Variants in MTA3 observed in about 807,000 individuals in gnomAD.
MTA3 encodes the protein metastasis-associated protein MTA3.
In MTA3, 34 loss-of-function variants were observed where a neutral mutation model predicts 83.5. The ratio of observed to expected loss-of-function variants is 0.41; its 90% CI spans 0.31 to 0.54. The LOEUF is 0.54. MTA3 is among the 20% of genes least tolerant of loss of function. The pLI is 0.33. For missense variants in MTA3, 761 were observed against 726.4 expected (o/e 1.05, Z -0.55); for synonymous variants, 303 against 252.7 (o/e 1.20, Z -1.89).
At position 42,501,471 on chromosome 2, in the gene MTA3, A is replaced by T. The variant is rs771444718; in HGVS notation, c.-141+6217A>T. On this transcript the variant is annotated intron_variant, in intron 2 of 17. Coordinates refer to the MTA3 transcript ENST00000405592. ...CATATTCTGATTCCCTGCATATGGCATGGAGGCCATTATTGTATTGTCAGC... is the reference window on the plus strand; with the variant it reads ...CATATTCTGATTCCCTGCATATGGCTTGGAGGCCATTATTGTATTGTCAGC... 2.6e-5 allele frequency among the ~76,000 whole-genome samples: 4 copies of T among 152,322 alleles called. No homozygotes were observed. The East Asian group carries it at 7.7e-4, about 29-fold the overall frequency.
chr2:42,692,100 A>G (rs750530894), intron 9 of MTA3, among the ~76,000 whole-genome samples: 3 of 151,822 alleles, frequency 2.0e-5, no homozygotes, highest in Non-Finnish European at 2.9e-5. Flanking sequence ...TAACTCTTAG[A>G]TTTGCTCTTT....
chr2:42,531,896 A>G (rs1675995221), intron 2 of MTA3, among the ~76,000 whole-genome samples: 1 of 152,060 alleles, frequency 6.6e-6, no homozygotes, highest in Non-Finnish European at 1.5e-5. Context: ...AGCTGGGACT[A>G]CAGGTGCCTG....
chr2:42,681,389 C>G (rs953215994), intron 8 of MTA3, among the ~76,000 whole-genome samples: 1 of 152,210 alleles, frequency 6.6e-6, no homozygotes, highest in Admixed American at 6.5e-5. Context: ...CATGATTCCT[C>G]AACCCAATCT....
At chr2:42,708,824 GT>G (rs781718487) in intron 13 of MTA3, 49 bp from the exon 14 acceptor site, 20 of 1,600,058 alleles carry the variant, frequency 1.2e-5, no homozygotes, top group Non-Finnish European at 1.7e-5. Context: ...ACAGTAACGT[GT>G]TTGGGCAAGT....
chr2:42,664,503 T>G (rs559888147), intron 8 of MTA3, among the ~76,000 whole-genome samples: 1 of 143,318 alleles, frequency 7.0e-6, no homozygotes, highest in South Asian at 2.4e-4. Context: ...TTGAGACAGT[T>G]TGCTCTGTTG....
At chr2:42,586,882 G>A (rs1680395033) in intron 3 of MTA3, among the ~76,000 whole-genome samples, 1 of 152,200 alleles carries the variant, frequency 6.6e-6, no homozygotes, top group African/African-American at 2.4e-5. Context: ...AATTAGCTGG[G>A]TATGGTGGCA....
chr2:42,567,661 T>A (rs1022242125), upstream of MTA3, among the ~76,000 whole-genome samples: 1 of 151,338 alleles, frequency 6.6e-6, no homozygotes, highest in African/African-American at 2.4e-5. Flanking sequence ...TTTTTTTTTG[T>A]ATCTGTGAGA....
chr2:42,702,098 C>T (rs1665628887), intron 11 of MTA3, among the ~76,000 whole-genome samples: 1 of 151,924 alleles, frequency 6.6e-6, no homozygotes, highest in Non-Finnish European at 1.5e-5. Flanking sequence ...GTAATCCCAG[C>T]TCCTCAGGAG....
In MTA3 at chr2:42,755,735, C is replaced by G; in HGVS notation, c.*2336C>G. On this transcript the variant is annotated 3_prime_UTR_variant, in exon 17 of 17. Transcript: ENST00000405094. Reference sequence around the variant, plus strand: ...CAGCCACCCGCTCCCTTTCTGGGGCCATGGTGTCCCTGCTGTGTGTCAGTG... The same window carrying G: ...CAGCCACCCGCTCCCTTTCTGGGGCGATGGTGTCCCTGCTGTGTGTCAGTG... The G allele has an allele frequency of 1.0e-6, 1 of 985,672 alleles. No individual in the cohort carries two copies. Among genetic ancestry groups the G allele is most frequent in the Non-Finnish European group, 1.2e-6 (1 of 830,120 alleles). The allele number at this position is 985,672 out of a possible 1,614,324, so 61.1% of individuals were successfully genotyped here. A position where few individuals can be genotyped will look rare whatever the true frequency, so the allele number is the denominator to read the frequency against.
chr2:42,699,517 T>C (rs976204163), intron 11 of MTA3, among the ~76,000 whole-genome samples: 1 of 152,144 alleles, frequency 6.6e-6, no homozygotes, highest in East Asian at 1.9e-4. Flanking sequence ...GAAAGAGGAC[T>C]AAGAGTAGAT....
At chr2:42,625,290 T>C (rs13036232) in intron 4 of MTA3, among the ~76,000 whole-genome samples, 115,228 of 150,882 alleles carry the variant, frequency 0.76, 44,592 homozygotes, top group South Asian at 0.88. Context: ...CCTCGGCTTC[T>C]CAAAGTGTTG....
intron 3 of MTA3, among the ~76,000 whole-genome samples, chr2:42,590,512 C>G (rs1344154364): frequency 6.6e-6 from 1 of 152,030 alleles, no homozygotes; most frequent in African/African-American, 2.4e-5. Flanking sequence ...GAATTGTGAG[C>G]CAAATAAACC....
intron 3 of MTA3, among the ~76,000 whole-genome samples, chr2:42,604,545 T>C (rs952991885): frequency 2.0e-5 from 3 of 151,882 alleles, no homozygotes; most frequent in African/African-American, 7.3e-5. Context: ...TCGATAATTC[T>C]TACTTGGTCT....
intron 4 of MTA3, among the ~76,000 whole-genome samples, chr2:42,625,998 A>G (rs1170548122): frequency 1.4e-5 from 2 of 138,828 alleles, no homozygotes; most frequent in African/African-American, 5.6e-5. Context: ...GCTGGAGTGC[A>G]GTGGCGCAAT....
At chr2:42,552,696 A>G (rs1677173107) in intron 2 of MTA3, among the ~76,000 whole-genome samples, 1 of 152,010 alleles carries the variant, frequency 6.6e-6, no homozygotes, top group Non-Finnish European at 1.5e-5. Context: ...TCATGCCTGT[A>G]ATTCCAGCAT....
At chr2:42,747,057 G>T (rs1046155101) in intron 16 of MTA3, among the ~76,000 whole-genome samples, 1 of 151,522 alleles carries the variant, frequency 6.6e-6, no homozygotes, top group African/African-American at 2.4e-5. Context: ...GCTGGAGTGC[G>T]GTGGTGTGAT....
In MTA3 at chr2:42,746,897, C is replaced by T. The variant is rs141425215; in HGVS notation, c.1760-6477C>T. 6.6e-5 allele frequency among the ~76,000 whole-genome samples: 10 copies of T among 152,028 alleles called. No individual in the cohort carries two copies. The East Asian group carries it at 1.5e-3, about 24-fold the overall frequency. On this transcript the variant is annotated intron_variant, in intron 16 of 16. Coordinates refer to ENST00000405094, the MANE Select transcript of MTA3 (RefSeq NM_001330442.2). Reference sequence around the variant, plus strand: ...TTTTATGGAGACTTAATTGGGTAGGCGTGATTAACAACCATGTAGAAATGT... The same window carrying T: ...TTTTATGGAGACTTAATTGGGTAGGTGTGATTAACAACCATGTAGAAATGT...
At chr2:42,593,076 C>T (rs1681229505) in intron 3 of MTA3, among the ~76,000 whole-genome samples, 2 of 151,974 alleles carry the variant, frequency 1.3e-5, no homozygotes, top group South Asian at 4.1e-4. Context: ...TCGCTTGAAC[C>T]CAGGAGGTGG....
intron 16 of MTA3, among the ~76,000 whole-genome samples, chr2:42,746,075 G>A (rs1418226213): frequency 2.0e-5 from 3 of 152,076 alleles, no homozygotes; most frequent in African/African-American, 4.8e-5. Flanking sequence ...GCCTCCTAAA[G>A]TGCTGGGATT....
Sources: gnomAD v4.1 joint callset for allele counts (sites outside exome capture counted in the v4.1 genomes callset) on GRCh38, gnomAD v4.1.1 for gene constraint, MANE v1.5 for transcripts, NCBI Gene and HGNC (gene_info 2026-07-23, HGNC 2026-07-21) for gene names.